TMEM178A: variants seen among roughly 807,000 people sequenced by gnomAD.
TMEM178A encodes transmembrane protein 178.
A neutral mutation model predicts 29.1 loss-of-function variants in TMEM178A; 12 were observed. The ratio of observed to expected loss-of-function variants is 0.41; its 90% CI spans 0.26 to 0.67. The LOEUF is 0.67. TMEM178A is among the 30% of genes least tolerant of loss of function. TMEM178A has a pLI of 0.29. For synonymous variants in TMEM178A, 210 were observed against 187.2 expected, an observed-to-expected ratio of 1.12 and a Z score of -0.99; for missense variants, 366 against 419.1, an observed-to-expected ratio of 0.87 and a Z score of 1.11.
At chr2:39,687,834 G>C (rs1671148485) in intron 1 of TMEM178A, among the ~76,000 whole-genome samples, 1 of 152,250 alleles carries the variant, frequency 6.6e-6, no homozygotes, top group Non-Finnish European at 1.5e-5. Flanking sequence ...GGCATGATCA[G>C]ATGTAGTCAT....
intron 3 of TMEM178A, among the ~76,000 whole-genome samples, chr2:39,715,546 T>C (rs949716807): frequency 5.9e-5 from 9 of 152,238 alleles, no homozygotes; most frequent in Admixed American, 2.6e-4. Context: ...CAAAGTGATA[T>C]GTTTGCTGTA....
chr2:39,734,897 C>A, the TMEM178A span, among the ~76,000 whole-genome samples: 1 of 152,154 alleles, frequency 6.6e-6, no homozygotes, highest in Non-Finnish European at 1.5e-5. Flanking sequence ...GTTCTACTTT[C>A]GAAATACATC....
chr2:39,674,292 G>A (rs1386283713), intron 1 of TMEM178A, among the ~76,000 whole-genome samples: 1 of 152,118 alleles, frequency 6.6e-6, no homozygotes, highest in African/African-American at 2.4e-5. Flanking sequence ...CAATCAGAGT[G>A]GATAAAGAAA....
chr2:39,700,983 A>G lies in TMEM178A; in HGVS notation c.401-3098A>G, dbSNP rs948053859. 3.0e-4 allele frequency among the ~76,000 whole-genome samples: 45 copies of G among 151,990 alleles called. 1 individual carries two copies. Among genetic ancestry groups the G allele is most frequent in the African/African-American group, 1.0e-3 (42 of 41,424 alleles). The stretch of plus-strand genomic sequence containing the variant: ...CATCCCCACTCTCCTCCTCCATACT[A>G]TTATTGTCATACAAATTACATGTTT... On this transcript the variant is annotated intron_variant, in intron 1 of 3. Coordinates refer to ENST00000281961, the MANE Select transcript of TMEM178A (RefSeq NM_152390.3).
chr2:39,669,526 C>G, intron 1 of TMEM178A, among the ~76,000 whole-genome samples: 1 of 152,142 alleles, frequency 6.6e-6, no homozygotes, highest in East Asian at 1.9e-4. Context: ...TCATCAAGTT[C>G]TTGTTTTCAC....
At chr2:39,722,371 G>C (rs1353656698), downstream of TMEM178A, among the ~76,000 whole-genome samples, 1 of 152,194 alleles carries the variant, frequency 6.6e-6, no homozygotes, top group Non-Finnish European at 1.5e-5. Context: ...GGTTAACTCA[G>C]CGTTATACAG....
chr2:39,670,789 G>A (rs1670379898), intron 1 of TMEM178A, among the ~76,000 whole-genome samples: 1 of 152,176 alleles, frequency 6.6e-6, no homozygotes, highest in African/African-American at 2.4e-5. Flanking sequence ...AGAAATTGGA[G>A]TCATAGAAAT....
chr2:39,699,373 A>G (rs999267443), intron 1 of TMEM178A, among the ~76,000 whole-genome samples: 17 of 151,928 alleles, frequency 1.1e-4, no homozygotes, highest in Non-Finnish European at 2.4e-4. Context: ...TTTCCACCCT[A>G]GCTTTGTAAT....
rs529073533 is a variant in TMEM178A, at chr2:39,708,185, C to G, written c.652+999C>G. On this transcript the variant is annotated intron_variant, in intron 3 of 3. Coordinates refer to ENST00000281961, the MANE Select transcript of TMEM178A (RefSeq NM_152390.3). ...TCGCAGCTAATTCGTGAGAAGCAGC[C>G]GGTGGTAGGAAGAGCGTAGCAGACT... Among the ~76,000 whole-genome samples the G allele has an allele frequency of 4.6e-5, 7 of 152,098 alleles. No individual in the cohort carries two copies. In the East Asian group the frequency reaches 9.7e-4, roughly 21 times the overall value.
chr2:39,720,331 G>A (rs1179665853), downstream of TMEM178A, among the ~76,000 whole-genome samples: 1 of 152,126 alleles, frequency 6.6e-6, no homozygotes, highest in Admixed American at 6.5e-5. Context: ...TGGGAACCCG[G>A]GACTCAGGTG....
the TMEM178A span, among the ~76,000 whole-genome samples, chr2:39,731,121 G>T: frequency 8.5e-3 from 1,292 of 152,318 alleles, 11 homozygotes; most frequent in South Asian, 0.018. Context: ...ACATGGAAAT[G>T]AATGATAGTG....
the TMEM178A span, among the ~76,000 whole-genome samples, chr2:39,730,307 G>T: frequency 1.3e-5 from 2 of 152,146 alleles, no homozygotes; most frequent in African/African-American, 2.4e-5. Context: ...GAATTTGGGG[G>T]CACCTCTTTT....
At chr2:39,720,075 T>C (rs1672672542), downstream of TMEM178A, among the ~76,000 whole-genome samples, 1 of 152,226 alleles carries the variant, frequency 6.6e-6, no homozygotes, top group Non-Finnish European at 1.5e-5. Context: ...TAAATTGTTT[T>C]GTAAGTCCAG....
intron 1 of TMEM178A, among the ~76,000 whole-genome samples, chr2:39,670,646 A>G (rs1036766554): frequency 2.0e-5 from 3 of 152,242 alleles, no homozygotes; most frequent in Non-Finnish European, 4.4e-5. Context: ...AAGACAGGAC[A>G]GATGGAAGCA....
At chr2:39,716,354 T>C (rs1672535670) in intron 3 of TMEM178A, among the ~76,000 whole-genome samples, 1 of 152,118 alleles carries the variant, frequency 6.6e-6, no homozygotes. Flanking sequence ...AAAAGCAAAG[T>C]TTTGGGTCTG....
chr2:39,717,137 C>T lies in TMEM178A; in HGVS notation c.780C>T (p.Cys260=), dbSNP rs199548184. The stretch of plus-strand genomic sequence containing the variant: ...ATGGTTACAGCTGGTCCATCTTTTG[C>T]GCCTGGTGCAGTTTAGGCTTTATTG... ...VEHGYSWSIF[C]AWCSLGFIVA... Residue 260 remains cysteine (C), a synonymous_variant, in exon 4 of 4, where the codon TGC becomes TGT. Coordinates refer to ENST00000281961, the MANE Select transcript of TMEM178A (RefSeq NM_152390.3). 161 of 1,612,832 alleles carry T rather than the reference C, an allele frequency of 1.0e-4. No individual in the cohort carries two copies. The highest frequency in any genetic ancestry group is 1.2e-4 in the Non-Finnish European group (146 of 1,179,840).
intron 1 of TMEM178A, among the ~76,000 whole-genome samples, chr2:39,697,480 A>G (rs1671593882): frequency 6.9e-6 from 1 of 145,066 alleles, no homozygotes. Context: ...ATCATCTTCC[A>G]AGGGAGTGGA....
In TMEM178A at chr2:39,666,216, G is replaced by T. The variant is rs1228234322; in HGVS notation, c.242G>T (p.Gly81Val). Residue 81 changes from glycine to valine, a missense_variant, in exon 1 of 4, where the codon GGC becomes GTC. Transcript: ENST00000281961. Reference sequence around the variant, plus strand: ...CTGGGGCGCCGGCTGCTCCCGGGCGGCCCGGGGCGCGCCGACCCCGAGTCC... The same window carrying T: ...CTGGGGCGCCGGCTGCTCCCGGGCGTCCCGGGGCGCGCCGACCCCGAGTCC... ...PPLGRRLLPG[G>V]PGRADPESWR... 7.4e-7 allele frequency: 1 copy of T among 1,351,882 alleles called. No individual in the cohort carries two copies. Among genetic ancestry groups the T allele is most frequent in the African/African-American group, 1.5e-5 (1 of 64,980 alleles). The allele number at this position is 1,351,882 out of a possible 1,614,324, so 83.7% of individuals were successfully genotyped here.
chr2:39,699,084 G>A (rs1379506613), intron 1 of TMEM178A, among the ~76,000 whole-genome samples: 1 of 148,876 alleles, frequency 6.7e-6, no homozygotes, highest in Non-Finnish European at 1.5e-5. Context: ...GGAGTGCAGT[G>A]GCACCATCTT....
Sources: gnomAD v4.1 joint callset for allele counts (sites outside exome capture counted in the v4.1 genomes callset) on GRCh38, gnomAD v4.1.1 for gene constraint, MANE v1.5 for transcripts, NCBI Gene and HGNC (gene_info 2026-07-23, HGNC 2026-07-21) for gene names.